AKR1C2: variants seen among roughly 807,000 people sequenced by gnomAD.
The protein encoded by AKR1C2 is aldo-keto reductase family 1 member C2, also known as 3-alpha-HSD3.
In AKR1C2, 27 loss-of-function variants were observed where a neutral mutation model predicts 39.8. That is an observed-to-expected ratio of 0.68 (90% confidence interval 0.50 to 0.93). The LOEUF is 0.93. Ranked by LOEUF, AKR1C2 falls within the 40% of genes least tolerant of loss-of-function variation. The pLI is 0.00. For missense variants in AKR1C2, 263 were observed against 365.1 expected (o/e 0.72, Z 2.28); for synonymous variants, 114 against 137.9 (o/e 0.83, Z 1.22).
At chr10:5,001,152 C>G (rs532349730) in intron 2 of AKR1C2, among the ~76,000 whole-genome samples, 3 of 152,196 alleles carry the variant, frequency 2.0e-5, no homozygotes, top group African/African-American at 4.8e-5. Flanking sequence ...CTCTCTCTCT[C>G]TGATCAAAAT....
At chr10:5,008,396 T>C (rs1324193387), upstream of AKR1C2, among the ~76,000 whole-genome samples, 7 of 151,906 alleles carry the variant, frequency 4.6e-5, no homozygotes, top group African/African-American at 1.7e-4. Flanking sequence ...CCTCCTCTGC[T>C]TGTCACTCTC....
chr10:5,016,431 C>G (rs1194923210), intron 1 of AKR1C2, among the ~76,000 whole-genome samples: 2 of 152,180 alleles, frequency 1.3e-5, no homozygotes, highest in Non-Finnish European at 2.9e-5. Flanking sequence ...AGTCCAAAAC[C>G]CAGAAAGGCA....
chr10:5,007,923 A>G (rs1837437991), upstream of AKR1C2, among the ~76,000 whole-genome samples: 1 of 151,052 alleles, frequency 6.6e-6, no homozygotes, highest in African/African-American at 2.5e-5. Context: ...CAGGGCAGAA[A>G]TTAAATCTTA....
At chr10:4,999,786 CTGACAG>C (rs1837194319) in intron 3 of AKR1C2, 1 of 281,088 alleles carries the variant, frequency 3.6e-6, no homozygotes, top group South Asian at 1.2e-4. Context: ...GAACATGGGC[CTGACAG>C]TGCTCCAAAG....
At chr10:5,014,553 T>A (rs1458408750) in intron 1 of AKR1C2, among the ~76,000 whole-genome samples, 20 of 152,172 alleles carry the variant, frequency 1.3e-4, no homozygotes, top group Non-Finnish European at 2.6e-4. Context: ...CTTGAATACA[T>A]CCTCTGTCCT....
At position 4,989,768 on chromosome 10, in the gene AKR1C2, C is replaced by A. The variant is rs61854354; in HGVS notation, c.*228G>T. ...GAGAAAACATAGAAGTTATGGAGAC[C>A]AAAGTAGGTGAAGAATCTTTAGGAG... On this transcript the variant is annotated 3_prime_UTR_variant, in exon 9 of 9. Coordinates refer to ENST00000380753, the MANE Select transcript of AKR1C2 (RefSeq NM_001393392.1). 3.3e-6 allele frequency: 2 copies of A among 610,598 alleles called. No homozygotes were observed. The highest frequency in any genetic ancestry group is 6.4e-5 in the East Asian group (2 of 31,196). 37.8% of individuals were successfully genotyped at this position (610,598 alleles called of 1,614,324 possible). A position where few individuals can be genotyped will look rare whatever the true frequency, so the allele number is the denominator to read the frequency against.
intron 8 of AKR1C2, 41 bp from the exon 9 acceptor site, chr10:4,990,079 A>G (rs1554771981): frequency 1.9e-6 from 3 of 1,607,908 alleles, no homozygotes; most frequent in South Asian, 2.2e-5. Context: ...AATGGCAATG[A>G]CTCCGTTACT....
chr10:4,997,702 A>G lies in AKR1C2; in HGVS notation c.570+923T>C, dbSNP rs563638711. Among the ~76,000 whole-genome samples, 4 of 152,338 alleles carry G rather than the reference A, an allele frequency of 2.6e-5. No homozygotes were observed. In the South Asian group the frequency reaches 6.2e-4, roughly 24 times the overall value. On this transcript the variant is annotated intron_variant, in intron 5 of 8. Coordinates refer to ENST00000380753, the MANE Select transcript of AKR1C2 (RefSeq NM_001393392.1). ...GTATTAAAACCACATTAATTTCTCAATGCTTTTATTAAATTATCACAGCAC... is the reference window on the plus strand; with the variant it reads ...GTATTAAAACCACATTAATTTCTCAGTGCTTTTATTAAATTATCACAGCAC...
At chr10:5,009,261 C>T (rs1397805322) in intron 1 of AKR1C2, among the ~76,000 whole-genome samples, 1 of 152,156 alleles carries the variant, frequency 6.6e-6, no homozygotes, top group African/African-American at 2.4e-5. Flanking sequence ...TTTGAAGAAA[C>T]AACTGTGTCA....
chr10:5,004,625 T>C (rs1264430098), upstream of AKR1C2: 1 of 152,230 alleles, frequency 6.6e-6, no homozygotes. Context: ...AAAAACCTGA[T>C]AACTATTAGA....
upstream of AKR1C2, among the ~76,000 whole-genome samples, chr10:5,005,688 A>G (rs1352690602): frequency 6.6e-6 from 1 of 152,242 alleles, no homozygotes; most frequent in Non-Finnish European, 1.5e-5. Context: ...GCTCAAAAAA[A>G]TAAAATGACA....
chr10:4,989,157 G>T lies in AKR1C2; in HGVS notation c.*839C>A, dbSNP rs570540399. On this transcript the variant is annotated 3_prime_UTR_variant, in exon 9 of 9. Coordinates refer to ENST00000380753, the MANE Select transcript of AKR1C2 (RefSeq NM_001393392.1). Reference sequence around the variant, plus strand: ...TATTTTCTAAATATGAGCTATTCAGGGGAATGTGATGAGTCAATGATATCT... The same window carrying T: ...TATTTTCTAAATATGAGCTATTCAGTGGAATGTGATGAGTCAATGATATCT... 73 of 152,196 alleles carry T rather than the reference G, an allele frequency of 4.8e-4. No homozygotes were observed. Among genetic ancestry groups the T allele is most frequent in the African/African-American group, 1.7e-3 (70 of 41,512 alleles). 9.4% of individuals were successfully genotyped at this position (152,196 alleles called of 1,614,324 possible).
At chr10:5,009,522 T>G (rs1837476021) in intron 1 of AKR1C2, among the ~76,000 whole-genome samples, 1 of 151,626 alleles carries the variant, frequency 6.6e-6, no homozygotes. Context: ...TAAAACCAGG[T>G]GAGAAAAAAC....
At position 4,999,247 on chromosome 10, in the gene AKR1C2, T is replaced by C. The variant is rs1352197207; in HGVS notation, c.400A>G (p.Asn134Asp). Residue 134 changes from asparagine to aspartate, a missense_variant, in exon 4 of 9, where the codon AAT (asparagine) becomes GAT (aspartate). Transcript: ENST00000380753. ...ACTGTGTCAAATAGTATTTTTCCAT[T>C]TTCATCTTTTGGGATCACTTCCTCA... The part of the protein sequence containing the change: ...PGEEVIPKDE[N>D]GKILFDTVDL... 1.9e-6 allele frequency: 3 copies of C among 1,607,284 alleles called. No homozygotes were observed. Among genetic ancestry groups the C allele is most frequent in the Non-Finnish European group, 1.7e-6 (2 of 1,176,264 alleles).
intron 7 of AKR1C2, among the ~76,000 whole-genome samples, chr10:4,994,269 C>CAA (rs10643636): frequency 1.4e-4 from 21 of 152,010 alleles, no homozygotes; most frequent in African/African-American, 5.1e-4. Context: ...AATAATATAT[C>CAA]TATATATATT....
chr10:4,991,542 G>A lies in AKR1C2; in HGVS notation c.929+289C>T, dbSNP rs537290245. ...GTGTACACTAGACAGTAATACAAACGGCAGGCCTACATGGAAGGTGCAGAT... is the reference window on the plus strand; with the variant it reads ...GTGTACACTAGACAGTAATACAAACAGCAGGCCTACATGGAAGGTGCAGAT... On this transcript the variant is annotated intron_variant, in intron 8 of 8. Transcript: ENST00000380753. Among the ~76,000 whole-genome samples, 132 of 152,224 alleles carry A rather than the reference G, an allele frequency of 8.7e-4. 1 individual carries two copies. Among genetic ancestry groups the A allele is most frequent in the Middle Eastern group, 3.4e-3 (1 of 294 alleles).
chr10:5,015,681 T>A (rs1327289207), intron 1 of AKR1C2, among the ~76,000 whole-genome samples: 2 of 152,182 alleles, frequency 1.3e-5, no homozygotes, highest in Non-Finnish European at 2.9e-5. Flanking sequence ...GAGCAGAGCA[T>A]GGACATATTT....
chr10:5,007,899 A>C (rs1300554818), upstream of AKR1C2, among the ~76,000 whole-genome samples: 4 of 151,508 alleles, frequency 2.6e-5, no homozygotes, highest in Non-Finnish European at 1.5e-5. Context: ...GCTTCATGCA[A>C]GTCATAAAGC....
At chr10:5,016,660 T>G (rs1383390231) in intron 1 of AKR1C2, among the ~76,000 whole-genome samples, 2 of 152,122 alleles carry the variant, frequency 1.3e-5, no homozygotes, top group Non-Finnish European at 2.9e-5. Flanking sequence ...CCATTCTGGG[T>G]TCTGGAGGAT....
Sources: allele counts gnomAD v4.1 joint callset (sites outside exome capture counted in the v4.1 genomes callset), GRCh38; gene constraint gnomAD v4.1.1; transcripts MANE v1.5; gene names NCBI Gene and HGNC (gene_info 2026-07-23, HGNC 2026-07-21).